OR52N4: variants seen among roughly 807,000 people sequenced by gnomAD.
The protein encoded by OR52N4 is olfactory receptor family 52 subfamily N member 4, also known as olfactory receptor 52N4.
OR52N4 carries 15 observed loss-of-function variants against 15.0 expected under a neutral mutation model. The ratio of observed to expected loss-of-function variants is 1.00; its 90% confidence interval spans 0.67 to 1.54. The LOEUF is 1.54. OR52N4 is among the 40% of genes most tolerant of loss of function. The pLI is 0.00. For synonymous variants in OR52N4, 143 were observed against 143.7 expected (o/e 1.00, Z 0.03); for missense variants, 421 against 394.0 (o/e 1.07, Z -0.58).
At chr11:5,736,572 C>CT in the OR52N4 span, 10 of 1,613,988 alleles carry the variant, frequency 6.2e-6, no homozygotes, top group Non-Finnish European at 7.6e-6. Flanking sequence ...TTCCAGGTCT[C>CT]TGAGTTCATC....
chr11:5,737,105 G>T, the OR52N4 span: 3 of 1,613,926 alleles, frequency 1.9e-6, no homozygotes, highest in South Asian at 1.1e-5. Flanking sequence ...CACAAGCCTG[G>T]CTTGTGATGA....
At chr11:5,734,514 T>C in the OR52N4 span, among the ~76,000 whole-genome samples, 3 of 152,152 alleles carry the variant, frequency 2.0e-5, no homozygotes, top group Non-Finnish European at 2.9e-5. Context: ...CTGTTTTATA[T>C]AGCAGAATCG....
the OR52N4 span, among the ~76,000 whole-genome samples, chr11:5,732,383 A>T: frequency 6.6e-6 from 1 of 152,034 alleles, no homozygotes; most frequent in Admixed American, 6.6e-5. Flanking sequence ...TCTTTAGCCC[A>T]CTCCAATATG....
chr11:5,744,146 C>T, the OR52N4 span, among the ~76,000 whole-genome samples: 14 of 152,148 alleles, frequency 9.2e-5, no homozygotes, highest in African/African-American at 3.4e-4. Context: ...TTCTGGTTAA[C>T]ATACAACCTC....
chr11:5,746,371 A>T, the OR52N4 span, among the ~76,000 whole-genome samples: 1 of 152,206 alleles, frequency 6.6e-6, no homozygotes, highest in Admixed American at 6.5e-5. Flanking sequence ...CAACCTACAG[A>T]ATGGGAGAAA....
intron 1 of OR52N4, among the ~76,000 whole-genome samples, 185 bp downstream of exon 1, chr11:5,754,490 CTT>C (rs1359335601): frequency 2.0e-5 from 3 of 151,958 alleles, no homozygotes; most frequent in South Asian, 2.1e-4. Context: ...GTGTTGAAAA[CTT>C]AGACTGCTCA....
At chr11:5,728,525 T>C in the OR52N4 span, among the ~76,000 whole-genome samples, 1 of 152,204 alleles carries the variant, frequency 6.6e-6, no homozygotes, top group Non-Finnish European at 1.5e-5. Flanking sequence ...CAAATTAGCA[T>C]TTTCAATTTT....
chr11:5,733,211 A>C, the OR52N4 span, among the ~76,000 whole-genome samples: 1 of 152,090 alleles, frequency 6.6e-6, no homozygotes, highest in Admixed American at 6.5e-5. Flanking sequence ...AATTTGCTTA[A>C]AATTATCTGA....
At chr11:5,749,924 A>G (rs1417617651), upstream of OR52N4, among the ~76,000 whole-genome samples, 1 of 151,958 alleles carries the variant, frequency 6.6e-6, no homozygotes, top group Non-Finnish European at 1.5e-5. Context: ...TGTACAAACT[A>G]TTTTAAATGT....
At chr11:5,727,950 G>A in the OR52N4 span, among the ~76,000 whole-genome samples, 1 of 152,278 alleles carries the variant, frequency 6.6e-6, no homozygotes, top group South Asian at 2.1e-4. Context: ...TTCTCCATTA[G>A]AGCTTCAAAC....
the OR52N4 span, among the ~76,000 whole-genome samples, chr11:5,733,310 G>T: frequency 2.6e-5 from 4 of 152,012 alleles, no homozygotes; most frequent in African/African-American, 9.7e-5. Flanking sequence ...TCACCTTGAG[G>T]TTACCTTGTT....
the OR52N4 span, among the ~76,000 whole-genome samples, chr11:5,733,532 T>G: frequency 2.0e-5 from 3 of 152,132 alleles, no homozygotes; most frequent in Non-Finnish European, 4.4e-5. Flanking sequence ...CAAGAGATTA[T>G]TTTTTTCTTC....
chr11:5,736,352 A>T, the OR52N4 span: 2 of 635,688 alleles, frequency 3.1e-6, no homozygotes, highest in Non-Finnish European at 5.5e-6. Context: ...AAGTCAAGTA[A>T]CACTGAGATA....
At chr11:5,741,605 C>CA in the OR52N4 span, among the ~76,000 whole-genome samples, 1 of 152,178 alleles carries the variant, frequency 6.6e-6, no homozygotes, top group Non-Finnish European at 1.5e-5. Flanking sequence ...AATGAATGCA[C>CA]AAATGAGTGG....
At chr11:5,743,596 A>G in the OR52N4 span, among the ~76,000 whole-genome samples, 1 of 152,190 alleles carries the variant, frequency 6.6e-6, no homozygotes, top group Non-Finnish European at 1.5e-5. Context: ...AAAAATATAC[A>G]AATACTTGGA....
chr11:5,749,793 A>G (rs1367298344), upstream of OR52N4, among the ~76,000 whole-genome samples: 1 of 151,992 alleles, frequency 6.6e-6, no homozygotes, highest in Non-Finnish European at 1.5e-5. Flanking sequence ...ATTGGCCTAC[A>G]GAGTTTAAGA....
the OR52N4 span, among the ~76,000 whole-genome samples, chr11:5,746,989 T>C: frequency 6.8e-6 from 1 of 147,570 alleles, no homozygotes; most frequent in Non-Finnish European, 1.5e-5. Context: ...GCCAGCACTT[T>C]GGGAGGCCAA....
the OR52N4 span, among the ~76,000 whole-genome samples, chr11:5,746,009 T>C: frequency 3.3e-5 from 5 of 152,170 alleles, no homozygotes; most frequent in Admixed American, 1.3e-4. Context: ...CACATACTTA[T>C]GACCAACTGA....
the OR52N4 span, among the ~76,000 whole-genome samples, chr11:5,739,685 G>A: frequency 7.9e-6 from 1 of 126,292 alleles, no homozygotes; most frequent in Non-Finnish European, 1.7e-5. Context: ...ATTTAAAAAT[G>A]TGTGTGCACC....
Sources: allele counts gnomAD v4.1 joint callset (sites outside exome capture counted in the v4.1 genomes callset), GRCh38; gene constraint gnomAD v4.1.1; transcripts MANE v1.5; gene names NCBI Gene and HGNC (gene_info 2026-07-23, HGNC 2026-07-21).